KCNK12: variants seen among roughly 807,000 people sequenced by gnomAD.
KCNK12 encodes potassium two pore domain channel subfamily K member 12.
In KCNK12, 6 loss-of-function variants were observed where a neutral mutation model predicts 25.3. The ratio of observed to expected loss-of-function variants is 0.24; its 90% CI spans 0.13 to 0.47. KCNK12 has a LOEUF of 0.47. Among genes scored for constraint, KCNK12 ranks in the 20% least tolerant of loss-of-function variants. The pLI, the probability that KCNK12 is intolerant of heterozygous loss-of-function variation, is 0.99. For missense variants in KCNK12, 444 were observed against 661.7 expected (o/e 0.67, Z 3.61); for synonymous variants, 331 against 311.1 (o/e 1.06, Z -0.67).
chr2:47,547,546 C>T lies in KCNK12; in HGVS notation c.391+22395G>A, dbSNP rs879633797. Reference sequence around the variant, plus strand: ...CTTGAATTCCTGGCCTCAAGTGATCCTCCCACCTCAGCTTCCAGAGCCCCC... The same window carrying T: ...CTTGAATTCCTGGCCTCAAGTGATCTTCCCACCTCAGCTTCCAGAGCCCCC... On this transcript the variant is annotated intron_variant, in intron 1 of 1. Transcript: ENST00000327876. This position sits in a 1 kb window ranked among gnomAD's most constrained non-coding sequence, Gnocchi z 5.0. Among the ~76,000 whole-genome samples the T allele has an allele frequency of 3.3e-5, 5 of 152,128 alleles. No individual in the cohort carries two copies. Among genetic ancestry groups the T allele is most frequent in the Non-Finnish European group, 5.9e-5 (4 of 68,012 alleles).
intron 1 of KCNK12, among the ~76,000 whole-genome samples, chr2:47,524,935 G>A (rs1668737380): frequency 6.6e-6 from 1 of 152,082 alleles, no homozygotes; most frequent in Non-Finnish European, 1.5e-5. Context: ...ACAGAACACT[G>A]CATCTACTCA....
At chr2:47,568,207 A>G (rs1669820510) in intron 1 of KCNK12, among the ~76,000 whole-genome samples, 1 of 152,118 alleles carries the variant, frequency 6.6e-6, no homozygotes, top group Admixed American at 6.5e-5. Flanking sequence ...AGAAAGGGAA[A>G]GGGCGTGTTT....
rs976447300 is a variant in KCNK12, at chr2:47,540,593, A to C, written c.392-18785T>G. Among the ~76,000 whole-genome samples the C allele has an allele frequency of 2.6e-5, 4 of 152,232 alleles. No homozygotes were observed. The highest frequency in any genetic ancestry group is 9.6e-5 in the African/African-American group (4 of 41,464). On this transcript the variant is annotated intron_variant, in intron 1 of 1. Coordinates refer to ENST00000327876, the MANE Select transcript of KCNK12 (RefSeq NM_022055.2). This position sits in a 1 kb window ranked among gnomAD's most constrained non-coding sequence, Gnocchi z 5.4. ...TGAAGACTCTTCCTGTGTCTTCTGC[A>C]AAACCAAAGAAAAGCCATCACTGCC...
chr2:47,536,501 C>A (rs1355356858), intron 1 of KCNK12, among the ~76,000 whole-genome samples: 1 of 152,226 alleles, frequency 6.6e-6, no homozygotes, highest in East Asian at 1.9e-4. Flanking sequence ...TTGTCTCCAT[C>A]TTAGTTTCAG....
chr2:47,537,107 C>T (rs567132711), intron 1 of KCNK12, among the ~76,000 whole-genome samples: 1 of 152,346 alleles, frequency 6.6e-6, no homozygotes, highest in East Asian at 1.9e-4. Flanking sequence ...ACTGTGAGTG[C>T]CAGGCCAGCT....
intron 1 of KCNK12, 29 bp from the exon 2 acceptor site, chr2:47,521,837 T>TC: frequency 7.9e-7 from 1 of 1,264,716 alleles, no homozygotes; most frequent in South Asian, 1.5e-5. Flanking sequence ...GTCAGCGCGG[T>TC]CCTGGCCGCG....
intron 1 of KCNK12, among the ~76,000 whole-genome samples, chr2:47,541,271 C>A (rs555728279): frequency 6.6e-6 from 1 of 152,204 alleles, no homozygotes; most frequent in Non-Finnish European, 1.5e-5. Context: ...TGCTAGGACA[C>A]GGTCCTGCAC....
rs1472933622 is a variant in KCNK12 at position 47,516,097 on chromosome 2, G to A, written c.*4810C>T. On this transcript the variant is annotated 3_prime_UTR_variant, in exon 2 of 2. Coordinates refer to ENST00000327876, the MANE Select transcript of KCNK12 (RefSeq NM_022055.2). ...CAGGATCAGAGTGAGCTAAATGACT[G>A]CCAGATCCAAAACTAGAATTCAGAC... is the stretch of plus-strand genomic sequence containing the variant. 6.6e-6 allele frequency among the ~76,000 whole-genome samples: 1 copy of A among 152,166 alleles called. No individual in the cohort carries two copies. The highest frequency in any genetic ancestry group is 1.9e-4 in the East Asian group (1 of 5,190).
rs779765336 is a variant in KCNK12, at chr2:47,525,803, G to A, written c.392-3995C>T. ...GCCCACTCAGGGAATGGGGCAGGGA[G>A]TGGTCCCTGTGCAGGGCTCCCAAGG... On this transcript the variant is annotated intron_variant, in intron 1 of 1. Transcript: ENST00000327876. The surrounding 1 kb of genome is among the most constrained non-coding windows in gnomAD (Gnocchi z 4.1). Among the ~76,000 whole-genome samples the A allele has an allele frequency of 1.3e-5, 2 of 152,208 alleles. No individual in the cohort carries two copies. Among genetic ancestry groups the A allele is most frequent in the Admixed American group, 6.5e-5 (1 of 15,290 alleles).
Position 47,557,436 on chromosome 2 carries a change from G to T in KCNK12, c.391+12505C>A, listed in dbSNP as rs969743808. Among the ~76,000 whole-genome samples the T allele has an allele frequency of 2.7e-5, 4 of 149,630 alleles. No homozygotes were observed. Among genetic ancestry groups the T allele is most frequent in the Admixed American group, 6.7e-5 (1 of 15,018 alleles). On this transcript the variant is annotated intron_variant, in intron 1 of 1. Transcript: ENST00000327876. This position sits in a 1 kb window ranked among gnomAD's most constrained non-coding sequence, Gnocchi z 4.9. ...GAGTGAAATCAACTTTTTTTTGTTT[G>T]TTTTTTTTTAATAAATTACCCAGTC...
intron 1 of KCNK12, among the ~76,000 whole-genome samples, chr2:47,554,611 C>G (rs1669513341): frequency 1.3e-5 from 2 of 152,136 alleles, no homozygotes; most frequent in African/African-American, 4.8e-5. Context: ...GGGTCAGGGC[C>G]AAATTATGCA....
chr2:47,531,309 C>A (rs111680453), intron 1 of KCNK12, among the ~76,000 whole-genome samples: 3,895 of 152,020 alleles, frequency 0.026, 65 homozygotes, highest in Non-Finnish European at 0.04. Flanking sequence ...CCCATTTCTA[C>A]AAAAAATTTG....
chr2:47,568,374 G>A (rs1402251218), intron 1 of KCNK12, among the ~76,000 whole-genome samples: 1 of 151,230 alleles, frequency 6.6e-6, no homozygotes, highest in Non-Finnish European at 1.5e-5. Context: ...TTTTTTGAGG[G>A]GGTCATTTTA....
At position 47,570,037 on chromosome 2, in the gene KCNK12, C is replaced by A; in HGVS notation, c.295G>T (p.Ala99Ser). Residue 99 changes from alanine to serine, a missense_variant, in exon 1 of 2, where the codon GCC becomes TCC. Coordinates refer to ENST00000327876, the MANE Select transcript of KCNK12 (RefSeq NM_022055.2). The stretch of plus-strand genomic sequence containing the variant: ...GCGCGGACGCCGGCGGCCAGCGCGG[C>A]CTCGTAGTGCCGGAGGAAGGCGCGC... ...ELRAFLRHYE[A>S]ALAAGVRADA... The A allele has an allele frequency of 7.0e-7, 1 of 1,419,732 alleles. No homozygotes were observed. Among genetic ancestry groups the A allele is most frequent in the South Asian group, 1.5e-5 (1 of 66,836 alleles). The allele number at this position is 1,419,732 out of a possible 1,614,324, so 87.9% of individuals were successfully genotyped here. A position where few individuals can be genotyped will look rare whatever the true frequency, so the allele number is the denominator to read the frequency against.
At chr2:47,564,364 T>A (rs1293252398) in intron 1 of KCNK12, 1 of 227,796 alleles carries the variant, frequency 4.4e-6, no homozygotes, top group Non-Finnish European at 8.7e-6. Flanking sequence ...CAAGGAGATA[T>A]CACAGAAAGA....
At chr2:47,558,705 C>A (rs1558564513) in intron 1 of KCNK12, among the ~76,000 whole-genome samples, 2 of 152,158 alleles carry the variant, frequency 1.3e-5, no homozygotes, top group Non-Finnish European at 2.9e-5. Flanking sequence ...AGAGGAGTCA[C>A]GCGGAGTGCG....
chr2:47,568,411 T>C (rs571443549), intron 1 of KCNK12, among the ~76,000 whole-genome samples: 2 of 152,114 alleles, frequency 1.3e-5, no homozygotes, highest in Non-Finnish European at 2.9e-5. Flanking sequence ...AACAACATGA[T>C]ATAGCTTTTT....
In KCNK12 at chr2:47,513,902, C is replaced by T. The variant is rs1668462810; in HGVS notation, c.*7005G>A. On this transcript the variant is annotated 3_prime_UTR_variant, in exon 2 of 2. Coordinates refer to ENST00000327876, the MANE Select transcript of KCNK12 (RefSeq NM_022055.2). ...GTGTTCTCACTAGCACTACCTTGGT[C>T]CACCCTGCCATCTGCTTTCCTCCTC... Among the ~76,000 whole-genome samples, 1 of 152,190 alleles carries T rather than the reference C, an allele frequency of 6.6e-6. No individual in the cohort carries two copies. Among genetic ancestry groups the T allele is most frequent in the Non-Finnish European group, 1.5e-5 (1 of 68,034 alleles).
Position 47,562,333 on chromosome 2 carries a change from G to A in KCNK12, c.391+7608C>T, listed in dbSNP as rs2104888357. The A allele has an allele frequency of 2.6e-6, 1 of 381,518 alleles. No homozygotes were observed. The highest frequency in any genetic ancestry group is 3.7e-5 in the East Asian group (1 of 27,012). The allele number at this position is 381,518 out of a possible 1,614,324, so 23.6% of individuals were successfully genotyped here. On this transcript the variant is annotated intron_variant, in intron 1 of 1. Coordinates refer to ENST00000327876, the MANE Select transcript of KCNK12 (RefSeq NM_022055.2). This position sits in a 1 kb window ranked among gnomAD's most constrained non-coding sequence, Gnocchi z 4.8. ...AATCTGCAATTACAAGATTCTGGAT[G>A]CTTCATCCTGAGGTCACCTTGGAAT...
Sources: allele counts gnomAD v4.1 joint callset (sites outside exome capture counted in the v4.1 genomes callset), GRCh38; gene constraint gnomAD v4.1.1; non-coding constraint Gnocchi (gnomAD v3.1); transcripts MANE v1.5; gene names NCBI Gene and HGNC (gene_info 2026-07-23, HGNC 2026-07-21).